The following MEI4 variants were observed in gnomAD, a reference collection of about 807,000 sequenced individuals.
MEI4 encodes meiotic double-stranded break formation protein 4.
MEI4 carries 27 observed loss-of-function variants against 31.4 expected under a neutral mutation model. The observed-to-expected ratio is 0.86, with a 90% confidence interval of 0.63 to 1.19. The LOEUF (loss-of-function observed/expected upper bound fraction) is 1.19, where lower values mean the gene tolerates loss of function less well. MEI4 is among the 50% of genes most tolerant of loss of function. The probability of loss-of-function intolerance (pLI) is 0.00; values close to 1 mark genes in which losing one functional copy is unlikely to be tolerated. For synonymous variants in MEI4, 122 were observed against 145.4 expected (o/e 0.84, Z 1.16); for missense variants, 329 against 398.9 (o/e 0.82, Z 1.49).
intron 3 of MEI4, among the ~76,000 whole-genome samples, chr6:77,769,605 T>A (rs1768258595): frequency 6.6e-6 from 1 of 151,932 alleles, no homozygotes; most frequent in Non-Finnish European, 1.5e-5. Context: ...TTCCATCTGC[T>A]TGAGGAAGGT....
At chr6:77,692,046 C>T (rs1475157663) in intron 2 of MEI4, among the ~76,000 whole-genome samples, 1 of 152,052 alleles carries the variant, frequency 6.6e-6, no homozygotes, top group East Asian at 1.9e-4. Context: ...TTCACCTCTA[C>T]TCACCTCTCC....
intron 4 of MEI4, among the ~76,000 whole-genome samples, chr6:77,913,371 T>C (rs570343262): frequency 6.6e-6 from 1 of 152,282 alleles, no homozygotes; most frequent in South Asian, 2.1e-4. Context: ...TGTGTTATTC[T>C]TTATAAGTTT....
At chr6:77,789,220 G>C (rs1768842258) in intron 3 of MEI4, among the ~76,000 whole-genome samples, 1 of 152,148 alleles carries the variant, frequency 6.6e-6, no homozygotes, top group African/African-American at 2.4e-5. Flanking sequence ...AGCTGAAACT[G>C]GATCCCTTCC....
intron 3 of MEI4, among the ~76,000 whole-genome samples, chr6:77,799,090 C>A (rs1489739668): frequency 2.0e-5 from 3 of 152,158 alleles, no homozygotes; most frequent in African/African-American, 4.8e-5. Context: ...AATGGTTGAA[C>A]TAGTTTACAG....
chr6:77,686,652 G>GT lies in MEI4; in HGVS notation c.-14-3999dup, dbSNP rs144668341. The stretch of plus-strand genomic sequence containing the variant: ...TATTAGATATTCAGACTGGTGACAG[G>GT]TTTTTTTATATTGGTAGTTATAATT... On this transcript the variant is annotated intron_variant, in intron 1 of 4. Transcript: ENST00000684080. Among the ~76,000 whole-genome samples the GT allele has an allele frequency of 3.8e-3, 574 of 152,060 alleles. 3 individuals are homozygous for GT. Among genetic ancestry groups the GT allele is most frequent in the African/African-American group, 0.013 (554 of 41,500 alleles).
intron 4 of MEI4, among the ~76,000 whole-genome samples, chr6:77,901,438 T>C (rs554262339): frequency 6.6e-6 from 1 of 152,216 alleles, no homozygotes; most frequent in East Asian, 1.9e-4. Flanking sequence ...CATTGTGGTT[T>C]TAATTTACAT....
chr6:77,893,953 C>A (rs1349785058), intron 4 of MEI4, among the ~76,000 whole-genome samples: 4 of 152,004 alleles, frequency 2.6e-5, no homozygotes, highest in Non-Finnish European at 5.9e-5. Context: ...TGCTCATGTA[C>A]CCCCTGAATC....
At chr6:77,861,940 T>C (rs751676312) in intron 4 of MEI4, among the ~76,000 whole-genome samples, 1 of 152,160 alleles carries the variant, frequency 6.6e-6, no homozygotes, top group Non-Finnish European at 1.5e-5. Context: ...ATTATTATCA[T>C]GCATACTTCA....
chr6:77,743,215 A>G (rs753795124), intron 2 of MEI4, among the ~76,000 whole-genome samples: 1 of 152,144 alleles, frequency 6.6e-6, no homozygotes, highest in Non-Finnish European at 1.5e-5. Flanking sequence ...CTTGGGCAGT[A>G]TGGCCATTAT....
At chr6:77,795,916 G>A (rs1213989101) in intron 3 of MEI4, among the ~76,000 whole-genome samples, 3 of 152,074 alleles carry the variant, frequency 2.0e-5, no homozygotes, top group African/African-American at 2.4e-5. Flanking sequence ...TGAGGACAGC[G>A]TTACTCTGAT....
chr6:77,769,950 C>T (rs1768270109), intron 3 of MEI4, among the ~76,000 whole-genome samples: 1 of 151,658 alleles, frequency 6.6e-6, no homozygotes, highest in South Asian at 2.1e-4. Flanking sequence ...GGGGAGAGAC[C>T]ACTTCTGCTT....
intron 3 of MEI4, among the ~76,000 whole-genome samples, chr6:77,785,191 G>A (rs1253734126): frequency 1.3e-5 from 2 of 152,086 alleles, no homozygotes; most frequent in African/African-American, 4.8e-5. Flanking sequence ...ATTGGAGGAG[G>A]ATAAAATGAT....
chr6:77,836,602 T>C (rs1770223547), intron 4 of MEI4, among the ~76,000 whole-genome samples: 1 of 152,072 alleles, frequency 6.6e-6, no homozygotes, highest in South Asian at 2.1e-4. Context: ...GTTTATACAT[T>C]TACTTCTCTA....
chr6:77,824,366 A>G (rs1214814481), intron 3 of MEI4, among the ~76,000 whole-genome samples: 1 of 152,108 alleles, frequency 6.6e-6, no homozygotes, highest in Non-Finnish European at 1.5e-5. Flanking sequence ...TCCCAAAGTC[A>G]CTACATATAT....
At chr6:77,876,382 G>A (rs893841051) in intron 4 of MEI4, among the ~76,000 whole-genome samples, 2 of 152,128 alleles carry the variant, frequency 1.3e-5, no homozygotes, top group Non-Finnish European at 2.9e-5. Flanking sequence ...TAAAGGATAA[G>A]TTCAGCTCCA....
chr6:77,904,483 C>A (rs1766250174), intron 4 of MEI4, among the ~76,000 whole-genome samples: 2 of 151,926 alleles, frequency 1.3e-5, no homozygotes, highest in African/African-American at 4.8e-5. Context: ...TCAAGTAGGC[C>A]CCAGTATCTA....
chr6:77,877,213 A>G (rs1771363586), intron 4 of MEI4, among the ~76,000 whole-genome samples: 1 of 152,012 alleles, frequency 6.6e-6, no homozygotes, highest in Non-Finnish European at 1.5e-5. Flanking sequence ...CATTCTTACT[A>G]TTGAAAGTGT....
intron 4 of MEI4, among the ~76,000 whole-genome samples, chr6:77,879,936 T>C (rs1185128615): frequency 1.3e-5 from 2 of 152,182 alleles, no homozygotes; most frequent in Non-Finnish European, 2.9e-5. Context: ...TATACTTAAA[T>C]AAACTATCTC....
chr6:77,835,667 A>C (rs1327506492), intron 4 of MEI4, among the ~76,000 whole-genome samples: 1 of 152,092 alleles, frequency 6.6e-6, no homozygotes, highest in Non-Finnish European at 1.5e-5. Flanking sequence ...TTAAAGATGC[A>C]TATCCTGTAA....
Sources: gnomAD v4.1 joint callset for allele counts (sites outside exome capture counted in the v4.1 genomes callset) on GRCh38, gnomAD v4.1.1 for gene constraint, MANE v1.5 for transcripts, NCBI Gene and HGNC (gene_info 2026-07-23, HGNC 2026-07-21) for gene names.